The following PCNX1 variants were observed in gnomAD, a reference collection of about 807,000 sequenced individuals.
The protein encoded by PCNX1 is pecanex-like protein 1.
A neutral mutation model predicts 242.2 loss-of-function variants in PCNX1; 78 were observed. That is an observed-to-expected ratio of 0.32 (90% CI 0.27 to 0.39). The LOEUF is 0.39. Ranked by LOEUF, PCNX1 falls within the 10% of genes least tolerant of loss-of-function variation. PCNX1 has a pLI of 1.00. For missense variants in PCNX1, 2,581 were observed against 2,856.5 expected (o/e 0.90, Z 2.20); for synonymous variants, 1,024 against 1,032.9 (o/e 0.99, Z 0.17).
chr14:71,095,035 C>T (rs2062237780), intron 30 of PCNX1, among the ~76,000 whole-genome samples: 1 of 152,168 alleles, frequency 6.6e-6, no homozygotes. Flanking sequence ...TCACCACGAC[C>T]CAGAAAGTTA....
Position 70,941,193 on chromosome 14 carries a change from G to A in PCNX1, c.154-5722G>A, listed in dbSNP as rs539102263. Among the ~76,000 whole-genome samples the A allele has an allele frequency of 3.9e-5, 6 of 152,316 alleles. No individual in the cohort carries two copies. In the South Asian group the frequency reaches 1.2e-3, roughly 32 times the overall value. ...TGGCGAGGAGCTGCATTCCTTTGGA[G>A]GAGAAGAGGCACTCTGATTTTTAGA... On this transcript the variant is annotated intron_variant, in intron 1 of 35. Coordinates refer to ENST00000304743, the MANE Select transcript of PCNX1 (RefSeq NM_014982.3).
rs372886766 is a variant in PCNX1 at position 70,973,577 on chromosome 14, A to C, written c.605-3365A>C. Among the ~76,000 whole-genome samples the C allele has an allele frequency of 2.6e-5, 4 of 152,004 alleles. No individual in the cohort carries two copies. The East Asian group carries it at 5.8e-4, about 22-fold the overall frequency. Reference sequence around the variant, plus strand: ...AAGAATCAGACAGTGAATACAGACAACTCTTTCAGTGAATTTTTGTAAAGG... The same window carrying C: ...AAGAATCAGACAGTGAATACAGACACCTCTTTCAGTGAATTTTTGTAAAGG... On this transcript the variant is annotated intron_variant, in intron 5 of 35. Transcript: ENST00000304743.
intron 1 of PCNX1, among the ~76,000 whole-genome samples, chr14:70,911,715 C>A (rs2055919613): frequency 6.6e-6 from 1 of 152,026 alleles, no homozygotes; most frequent in Non-Finnish European, 1.5e-5. Context: ...TGAGATATTT[C>A]ATGGGTGTTT....
At chr14:71,074,186 A>C (rs1423696784) in intron 27 of PCNX1, among the ~76,000 whole-genome samples, 1 of 152,238 alleles carries the variant, frequency 6.6e-6, no homozygotes, top group African/African-American at 2.4e-5. Flanking sequence ...ATCCTCTAAC[A>C]AGTAGAGTTT....
intron 1 of PCNX1, among the ~76,000 whole-genome samples, chr14:70,910,514 CTCTG>C (rs1384443250): frequency 1.3e-5 from 2 of 151,998 alleles, no homozygotes; most frequent in Non-Finnish European, 2.9e-5. Context: ...TTGCTTTTCC[CTCTG>C]TCTGGATGAC....
intron 26 of PCNX1, 105 bp downstream of exon 26, chr14:71,057,829 G>A (rs2061224045): frequency 3.7e-6 from 3 of 802,336 alleles, no homozygotes; most frequent in Non-Finnish European, 6.2e-6. Flanking sequence ...TAGATATTTG[G>A]GATTGTGGAA....
At chr14:70,981,150 T>C (rs1007650280) in intron 6 of PCNX1, among the ~76,000 whole-genome samples, 1 of 152,148 alleles carries the variant, frequency 6.6e-6, no homozygotes, top group Non-Finnish European at 1.5e-5. Context: ...ATGATTATAG[T>C]ATCTATCTCA....
At chr14:71,104,687 T>C (rs1451358688) in intron 32 of PCNX1, among the ~76,000 whole-genome samples, 1 of 152,148 alleles carries the variant, frequency 6.6e-6, no homozygotes, top group Non-Finnish European at 1.5e-5. Flanking sequence ...CCCAGCACTT[T>C]GGGAAGCTGA....
At chr14:70,976,753 G>T (rs1247603823) in intron 5 of PCNX1, among the ~76,000 whole-genome samples, 189 bp from the exon 6 acceptor site, 1 of 152,186 alleles carries the variant, frequency 6.6e-6, no homozygotes, top group Non-Finnish European at 1.5e-5. Context: ...AGATTTGGAA[G>T]TTCAGTTCAT....
Position 71,047,840 on chromosome 14 carries a change from G to T in PCNX1, c.4194G>T (p.Leu1398Phe), listed in dbSNP as rs2060907144. 6.2e-7 allele frequency: 1 copy of T among 1,612,766 alleles called. No individual in the cohort carries two copies. The highest frequency in any genetic ancestry group is 8.5e-7 in the Non-Finnish European group (1 of 1,179,138). Residue 1398 changes from leucine (L) to phenylalanine (F), a missense_variant, in exon 22 of 36, where the codon TTG (leucine) becomes TTT (phenylalanine). Around this residue, in one of 9 missense-constraint regions of PCNX1, gnomAD observed 432 missense variants for 443.1 expected, o/e 0.97. Coordinates refer to ENST00000304743, the MANE Select transcript of PCNX1 (RefSeq NM_014982.3). Reference sequence around the variant, plus strand: ...CTTTAATGATCACTGTTGCTGGTTTGAAGTTGCTACGATCCTCTTTTAGCA... The same window carrying T: ...CTTTAATGATCACTGTTGCTGGTTTTAAGTTGCTACGATCCTCTTTTAGCA... Reference protein sequence around the residue: ...LGALMITVAGLKLLRSSFSSP... With the variant: ...LGALMITVAGFKLLRSSFSSP...
intron 16 of PCNX1, among the ~76,000 whole-genome samples, chr14:71,030,525 G>A (rs2060354227): frequency 6.6e-6 from 1 of 152,086 alleles, no homozygotes; most frequent in Non-Finnish European, 1.5e-5. Context: ...TTGCACGGAG[G>A]CACCTTCCAA....
intron 26 of PCNX1, among the ~76,000 whole-genome samples, chr14:71,071,390 G>T (rs1393172163): frequency 6.6e-6 from 1 of 152,078 alleles, no homozygotes; most frequent in Non-Finnish European, 1.5e-5. Flanking sequence ...GATACGGTTT[G>T]GATTTGTGTC....
chr14:70,943,147 A>G (rs984502516), intron 1 of PCNX1, among the ~76,000 whole-genome samples: 4 of 152,188 alleles, frequency 2.6e-5, no homozygotes, highest in South Asian at 2.1e-4. Context: ...AGAATGGACT[A>G]ATACAGTAAA....
chr14:70,988,228 G>A (rs2059055620), intron 6 of PCNX1, among the ~76,000 whole-genome samples: 1 of 151,934 alleles, frequency 6.6e-6, no homozygotes, highest in Admixed American at 6.6e-5. Context: ...TAATTAACGG[G>A]GTAATAGAGG....
At chr14:70,958,897 G>GTTTT (rs1491422568) in intron 2 of PCNX1, among the ~76,000 whole-genome samples, 4 of 28,304 alleles carry the variant, frequency 1.4e-4, no homozygotes, top group Non-Finnish European at 2.4e-4. Flanking sequence ...ATTTGGGGTT[G>GTTTT]CTTTTTTTTT....
chr14:71,018,903 C>A, intron 11 of PCNX1, 106 bp from the exon 12 acceptor site: 2 of 927,256 alleles, frequency 2.2e-6, no homozygotes, highest in Non-Finnish European at 3.2e-6. Context: ...AAAAAGACAT[C>A]TTGGCATACC....
chr14:71,093,007 G>A (rs1044599724), intron 30 of PCNX1: 1 of 152,172 alleles, frequency 6.6e-6, no homozygotes, highest in African/African-American at 2.4e-5. Flanking sequence ...AGGCATGGAG[G>A]TGGTCTGCTT....
At chr14:71,030,085 G>T (rs1001088852) in intron 16 of PCNX1, among the ~76,000 whole-genome samples, 4 of 152,078 alleles carry the variant, frequency 2.6e-5, no homozygotes, top group Admixed American at 6.6e-5. Context: ...ACATCTTTTG[G>T]TTTTTTTAGT....
intron 28 of PCNX1, chr14:71,078,586 C>A (rs946056127): frequency 6.6e-6 from 1 of 152,180 alleles, no homozygotes; most frequent in Admixed American, 6.5e-5. Flanking sequence ...CTAGGGCACA[C>A]GCCTTCTCCA....
Sources: gnomAD v4.1 joint callset for allele counts (sites outside exome capture counted in the v4.1 genomes callset) on GRCh38, gnomAD v4.1.1 for gene constraint, gnomAD v4.1.1 regional missense constraint, MANE v1.5 for transcripts, NCBI Gene and HGNC (gene_info 2026-07-23, HGNC 2026-07-21) for gene names.